Variants in LRRTM4 observed in about 807,000 individuals in gnomAD.
The protein encoded by LRRTM4 is leucine rich repeat transmembrane neuronal 4, also known as leucine-rich repeat transmembrane neuronal protein 4.
In LRRTM4, 25 loss-of-function variants were observed where a neutral mutation model predicts 47.6. The observed-to-expected ratio is 0.53, with a 90% CI of 0.38 to 0.73. The LOEUF (loss-of-function observed/expected upper bound fraction) is 0.73. Among genes scored for constraint, LRRTM4 ranks in the 30% least tolerant of loss-of-function variants. The pLI, the probability that LRRTM4 is intolerant of heterozygous loss-of-function variation, is 0.00. For missense variants in LRRTM4, 638 were observed against 713.4 expected (o/e 0.89, Z 1.20); for synonymous variants, 311 against 269.5 (o/e 1.15, Z -1.51).
chr2:76,971,418 G>T (rs1258577815), intron 3 of LRRTM4, among the ~76,000 whole-genome samples: 1 of 151,992 alleles, frequency 6.6e-6, no homozygotes, highest in Non-Finnish European at 1.5e-5. Context: ...ATTAACAGGG[G>T]CTAAATCCCA....
intron 3 of LRRTM4, among the ~76,000 whole-genome samples, chr2:77,164,884 T>C (rs1672835408): frequency 6.6e-6 from 1 of 152,052 alleles, no homozygotes; most frequent in Non-Finnish European, 1.5e-5. Context: ...ATTGACACCC[T>C]AACATCACAA....
chr2:77,318,380 G>A (rs961205692), intron 3 of LRRTM4, among the ~76,000 whole-genome samples: 2 of 152,104 alleles, frequency 1.3e-5, no homozygotes, highest in Non-Finnish European at 2.9e-5. Context: ...TTTTTAAATT[G>A]TTAGATCTGA....
chr2:77,401,466 T>C (rs1673951760), intron 3 of LRRTM4, among the ~76,000 whole-genome samples: 3 of 151,932 alleles, frequency 2.0e-5, no homozygotes, highest in South Asian at 4.1e-4. Flanking sequence ...TTACGGTAAA[T>C]ATAATTTTCC....
chr2:76,798,143 A>G (rs1675452942), intron 3 of LRRTM4, among the ~76,000 whole-genome samples: 1 of 152,104 alleles, frequency 6.6e-6, no homozygotes, highest in Non-Finnish European at 1.5e-5. Context: ...TCAACACAAT[A>G]TACATTTTTT....
chr2:76,861,113 T>G (rs11886430), intron 3 of LRRTM4, among the ~76,000 whole-genome samples: 3,860 of 152,188 alleles, frequency 0.025, 162 homozygotes, highest in African/African-American at 0.079. Context: ...ATAAAACATT[T>G]TGCCTCTTTA....
intron 3 of LRRTM4, among the ~76,000 whole-genome samples, chr2:77,158,163 C>T (rs926733914): frequency 2.6e-5 from 4 of 152,062 alleles, no homozygotes; most frequent in Non-Finnish European, 4.4e-5. Context: ...ACTTCTCTCT[C>T]GAACTGTGTG....
intron 3 of LRRTM4, among the ~76,000 whole-genome samples, chr2:76,823,391 G>A (rs976905606): frequency 1.3e-5 from 2 of 151,320 alleles, no homozygotes; most frequent in Non-Finnish European, 3.0e-5. Flanking sequence ...ACAAACCTTT[G>A]TTACTCATTA....
Position 76,978,906 on chromosome 2 carries a change from G to T in LRRTM4, c.1552-229990C>A, listed in dbSNP as rs1374364639. On this transcript the variant is annotated intron_variant, in intron 3 of 3. Coordinates refer to ENST00000409884, the MANE Select transcript of LRRTM4 (RefSeq NM_001134745.3). ...AGGTCTGAGGTTACAGAAATGAAGGGAAAGTGCAGAAGCTATTTTCATGTA... is the reference window on the plus strand; with the variant it reads ...AGGTCTGAGGTTACAGAAATGAAGGTAAAGTGCAGAAGCTATTTTCATGTA... Among the ~76,000 whole-genome samples the T allele has an allele frequency of 3.9e-5, 6 of 151,970 alleles. No individual in the cohort carries two copies. The South Asian group carries it at 8.3e-4, about 21-fold the overall frequency.
chr2:76,847,348 T>C (rs1457911346), intron 3 of LRRTM4, among the ~76,000 whole-genome samples: 1 of 152,180 alleles, frequency 6.6e-6, no homozygotes, highest in Non-Finnish European at 1.5e-5. Context: ...ATGATTATAG[T>C]ATTTAAAAAT....
chr2:77,481,132 A>G (rs775959352), intron 3 of LRRTM4, among the ~76,000 whole-genome samples: 5 of 152,158 alleles, frequency 3.3e-5, no homozygotes, highest in Non-Finnish European at 7.3e-5. Flanking sequence ...AAAACACAAC[A>G]TGAATATTAA....
chr2:77,148,261 G>T (rs1202360584), intron 3 of LRRTM4, among the ~76,000 whole-genome samples: 4 of 152,140 alleles, frequency 2.6e-5, no homozygotes, highest in Non-Finnish European at 5.9e-5. Flanking sequence ...AGAATGCCTT[G>T]GGTGTCTTGC....
At chr2:77,182,515 A>G (rs1268350352) in intron 3 of LRRTM4, among the ~76,000 whole-genome samples, 1 of 152,138 alleles carries the variant, frequency 6.6e-6, no homozygotes, top group Non-Finnish European at 1.5e-5. Flanking sequence ...ACAAACCTGC[A>G]CATTCTGCAC....
At position 77,048,614 on chromosome 2, in the gene LRRTM4, T is replaced by C. The variant is rs1679309573; in HGVS notation, c.1552-299698A>G. Among the ~76,000 whole-genome samples the C allele has an allele frequency of 3.9e-5, 6 of 151,994 alleles. No homozygotes were observed. The South Asian group carries it at 1.2e-3, about 31-fold the overall frequency. Reference sequence around the variant, plus strand: ...TACTTTTGAAACCTTTATTCTCCAGTTTGAATTTTTCTTATTATTATTTTT... The same window carrying C: ...TACTTTTGAAACCTTTATTCTCCAGCTTGAATTTTTCTTATTATTATTTTT... On this transcript the variant is annotated intron_variant, in intron 3 of 3. Transcript: ENST00000409884.
At chr2:76,848,675 A>G (rs1353858184) in intron 3 of LRRTM4, among the ~76,000 whole-genome samples, 1 of 152,114 alleles carries the variant, frequency 6.6e-6, no homozygotes, top group Admixed American at 6.6e-5. Flanking sequence ...TTATCTGTAT[A>G]TAATTTATAA....
At chr2:77,363,675 C>A (rs1458814595) in intron 3 of LRRTM4, among the ~76,000 whole-genome samples, 1 of 152,254 alleles carries the variant, frequency 6.6e-6, no homozygotes, top group East Asian at 1.9e-4. Context: ...ATGTGCGCTT[C>A]AAAATGCTTT....
At chr2:76,771,651 A>G (rs1673714603) in intron 3 of LRRTM4, among the ~76,000 whole-genome samples, 1 of 142,646 alleles carries the variant, frequency 7.0e-6, no homozygotes, top group Admixed American at 7.1e-5. Context: ...GAAAAAAAAA[A>G]AAAAAAGAAA....
chr2:77,334,680 C>T (rs1483134896), intron 3 of LRRTM4, among the ~76,000 whole-genome samples: 1 of 152,144 alleles, frequency 6.6e-6, no homozygotes, highest in Non-Finnish European at 1.5e-5. Flanking sequence ...TCTTTATCAG[C>T]AGTGTGAAAA....
intron 3 of LRRTM4, among the ~76,000 whole-genome samples, chr2:77,418,978 A>T (rs1332325047): frequency 6.6e-6 from 1 of 152,112 alleles, no homozygotes; most frequent in Non-Finnish European, 1.5e-5. Flanking sequence ...ATGTTCACTT[A>T]TTCATCATGT....
chr2:77,398,592 A>G (rs1450876445), intron 3 of LRRTM4, among the ~76,000 whole-genome samples: 1 of 151,806 alleles, frequency 6.6e-6, no homozygotes, highest in African/African-American at 2.4e-5. Flanking sequence ...GAAATAATGG[A>G]TTGTGTGTGA....
Sources: gnomAD v4.1 joint callset for allele counts (sites outside exome capture counted in the v4.1 genomes callset) on GRCh38, gnomAD v4.1.1 for gene constraint, MANE v1.5 for transcripts, NCBI Gene and HGNC (gene_info 2026-07-23, HGNC 2026-07-21) for gene names.